TBC1D19: variants seen among roughly 807,000 people sequenced by gnomAD.
The protein encoded by TBC1D19 is TBC1 domain family, member 19.
TBC1D19 carries 60 observed loss-of-function variants against 89.0 expected under a neutral mutation model. The ratio of observed to expected loss-of-function variants is 0.67; its 90% confidence interval spans 0.55 to 0.84. TBC1D19 has a LOEUF of 0.84. TBC1D19 is among the 40% of genes least tolerant of loss of function. The pLI is 0.00. For synonymous variants in TBC1D19, 189 were observed against 199.7 expected (o/e 0.95, Z 0.45); for missense variants, 500 against 610.8 (o/e 0.82, Z 1.91).
At chr4:26,826,551 C>T in the TBC1D19 span, among the ~76,000 whole-genome samples, 2 of 152,202 alleles carry the variant, frequency 1.3e-5, no homozygotes, top group Non-Finnish European at 2.9e-5. Context: ...ACATAAAATG[C>T]TTCTCATCTC....
intron 7 of TBC1D19, 29 bp downstream of exon 7, chr4:26,640,216 A>C: frequency 6.7e-7 from 1 of 1,498,764 alleles, no homozygotes; most frequent in Non-Finnish European, 9.3e-7. Flanking sequence ...ATACACATAT[A>C]TTAATGAATG....
At chr4:26,806,495 A>T in the TBC1D19 span, among the ~76,000 whole-genome samples, 1 of 152,206 alleles carries the variant, frequency 6.6e-6, no homozygotes. Flanking sequence ...ACAGTGACTC[A>T]CTATGTGTCT....
the TBC1D19 span, among the ~76,000 whole-genome samples, chr4:26,761,809 A>G: frequency 1.3e-5 from 2 of 152,156 alleles, no homozygotes; most frequent in Non-Finnish European, 2.9e-5. Context: ...TTTATAAACA[A>G]TAGTTTGGCC....
chr4:26,734,894 G>T (rs1717872934), intron 15 of TBC1D19, among the ~76,000 whole-genome samples: 1 of 149,624 alleles, frequency 6.7e-6, no homozygotes, highest in Non-Finnish European at 1.5e-5. Context: ...ATACGTATGT[G>T]TGTGTATATA....
chr4:26,740,751 AAT>A lies in TBC1D19; in HGVS notation c.1227+783_1227+784del, dbSNP rs1718317319. 6.1e-6 allele frequency: 6 copies of A among 985,172 alleles called. No homozygotes were observed. The African/African-American group carries it at 1.0e-4, about 17-fold the overall frequency. The allele number at this position is 985,172 out of a possible 1,614,324, so 61.0% of individuals were successfully genotyped here. The stretch of plus-strand genomic sequence containing the variant: ...TACTCCAGGTGAAACATTCAATTGG[AAT>A]ATATGTCAGGGCTACTAAATTTCCC... On this transcript the variant is annotated intron_variant, in intron 17 of 20. Transcript: ENST00000264866.
chr4:26,639,052 T>C (rs1349812795), intron 6 of TBC1D19, among the ~76,000 whole-genome samples: 2 of 152,106 alleles, frequency 1.3e-5, no homozygotes, highest in Non-Finnish European at 1.5e-5. Flanking sequence ...AGCTTTTTGT[T>C]TGTTTGTGTT....
chr4:26,671,063 T>G lies in TBC1D19; in HGVS notation c.665-1086T>G, dbSNP rs537488356. ...ATGCATTAGGGTTTATAACTGAGAGTGGATTGCTAATTATCATAGGATATG... is the reference window on the plus strand; with the variant it reads ...ATGCATTAGGGTTTATAACTGAGAGGGGATTGCTAATTATCATAGGATATG... On this transcript the variant is annotated intron_variant, in intron 9 of 20. Coordinates refer to ENST00000264866, the MANE Select transcript of TBC1D19 (RefSeq NM_018317.4). Among the ~76,000 whole-genome samples, 218 of 151,598 alleles carry G rather than the reference T, an allele frequency of 1.4e-3. 1 individual carries two copies. The highest frequency in any genetic ancestry group is 6.8e-3 in the Middle Eastern group (2 of 294).
At chr4:26,609,035 A>C (rs1741187943) in intron 1 of TBC1D19, among the ~76,000 whole-genome samples, 1 of 108,458 alleles carries the variant, frequency 9.2e-6, no homozygotes, top group Non-Finnish European at 1.7e-5. Flanking sequence ...GAAACATCAC[A>C]CTCTGGAGAC....
the TBC1D19 span, among the ~76,000 whole-genome samples, chr4:26,765,659 T>G: frequency 8.6e-4 from 131 of 152,266 alleles, no homozygotes; most frequent in South Asian, 2.9e-3. Flanking sequence ...ATCATTTGTC[T>G]CTGGGGAGGG....
chr4:26,837,289 G>A, the TBC1D19 span, among the ~76,000 whole-genome samples: 1 of 152,208 alleles, frequency 6.6e-6, no homozygotes. Flanking sequence ...AATGGGAGAT[G>A]GGCATGGAGA....
the TBC1D19 span, among the ~76,000 whole-genome samples, chr4:26,809,948 A>G: frequency 3.3e-5 from 5 of 152,156 alleles, no homozygotes; most frequent in Non-Finnish European, 7.4e-5. Context: ...ACTGCACCCT[A>G]TCACTCACTG....
At chr4:26,729,552 T>A (rs1270271889) in intron 15 of TBC1D19, among the ~76,000 whole-genome samples, 1 of 152,220 alleles carries the variant, frequency 6.6e-6, no homozygotes, top group Admixed American at 6.5e-5. Flanking sequence ...TGTCTGAGGT[T>A]ATAGCTGACC....
the TBC1D19 span, among the ~76,000 whole-genome samples, chr4:26,808,622 G>T: frequency 1.3e-5 from 2 of 151,628 alleles, no homozygotes; most frequent in Non-Finnish European, 2.9e-5. Flanking sequence ...CCAGCTACTC[G>T]GGAGGCTGAG....
chr4:26,682,245 G>A (rs1211618499), intron 11 of TBC1D19, among the ~76,000 whole-genome samples: 1 of 152,100 alleles, frequency 6.6e-6, no homozygotes, highest in African/African-American at 2.4e-5. Flanking sequence ...GATAGATTCG[G>A]TAGATACAAT....
rs186488437 is a variant in TBC1D19, at chr4:26,755,925, C to T, written c.*978C>T. 1.8e-3 allele frequency among the ~76,000 whole-genome samples: 280 copies of T among 152,238 alleles called. No individual in the cohort carries two copies. The highest frequency in any genetic ancestry group is 6.4e-3 in the African/African-American group (266 of 41,560). Reference sequence around the variant, plus strand: ...CTTATTTTGTATTACTTCCTAAAGACCTACCATTTCTGTAATATGGAATAA... The same window carrying T: ...CTTATTTTGTATTACTTCCTAAAGATCTACCATTTCTGTAATATGGAATAA... On this transcript the variant is annotated 3_prime_UTR_variant, in exon 21 of 21. Transcript: ENST00000264866.
the TBC1D19 span, among the ~76,000 whole-genome samples, chr4:26,785,165 T>G: frequency 6.6e-6 from 1 of 152,222 alleles, no homozygotes; most frequent in Non-Finnish European, 1.5e-5. Context: ...CTCTAGCTAT[T>G]ATTTTGACAT....
chr4:26,618,471 T>G (rs1577812021), intron 3 of TBC1D19, among the ~76,000 whole-genome samples: 1 of 152,070 alleles, frequency 6.6e-6, no homozygotes, highest in East Asian at 1.9e-4. Flanking sequence ...TACAAAAGTT[T>G]GTATGGCTGA....
chr4:26,678,055 G>A (rs1712994423), intron 11 of TBC1D19, among the ~76,000 whole-genome samples: 1 of 152,328 alleles, frequency 6.6e-6, no homozygotes, highest in South Asian at 2.1e-4. Context: ...ACAGGCAGAA[G>A]TTGGAATAGT....
chr4:26,616,468 A>G (rs185691240), intron 3 of TBC1D19, among the ~76,000 whole-genome samples: 286 of 152,360 alleles, frequency 1.9e-3, no homozygotes, highest in African/African-American at 6.5e-3. Context: ...AGTCAAAAGA[A>G]TAAAGAAGAC....
Sources: gnomAD v4.1 joint callset for allele counts (sites outside exome capture counted in the v4.1 genomes callset) on GRCh38, gnomAD v4.1.1 for gene constraint, MANE v1.5 for transcripts, NCBI Gene and HGNC (gene_info 2026-07-23, HGNC 2026-07-21) for gene names.